ZNF57: variants seen among roughly 807,000 people sequenced by gnomAD.
The protein encoded by ZNF57 is zinc finger protein 424.
ZNF57 carries 11 observed loss-of-function variants against 13.4 expected under a neutral mutation model. That is an observed-to-expected ratio of 0.82 (90% CI 0.52 to 1.36). The LOEUF is 1.36. ZNF57 is among the 40% of genes most tolerant of loss of function. The pLI is 0.00. For synonymous variants in ZNF57, 224 were observed against 238.5 expected, an observed-to-expected ratio of 0.94 and a Z score of 0.56; for missense variants, 696 against 667.5, an observed-to-expected ratio of 1.04 and a Z score of -0.47.
At chr19:2,916,394 A>G in intron 3 of ZNF57, 145 bp downstream of exon 3, 1 of 726,164 alleles carries the variant, frequency 1.4e-6, no homozygotes. Flanking sequence ...TAAGACATTG[A>G]GAATTTGAAA....
chr19:2,905,835 CTTTCA>C (rs1568179409), intron 1 of ZNF57, among the ~76,000 whole-genome samples: 1 of 151,424 alleles, frequency 6.6e-6, no homozygotes, highest in Non-Finnish European at 1.5e-5. Context: ...AGACATTTGC[CTTTCA>C]TTTCAGTTCT....
At chr19:2,911,647 A>G (rs2088137903) in intron 1 of ZNF57, among the ~76,000 whole-genome samples, 1 of 152,154 alleles carries the variant, frequency 6.6e-6, no homozygotes, top group African/African-American at 2.4e-5. Context: ...CAGCCTCCCA[A>G]AATGCTGGCA....
intron 1 of ZNF57, among the ~76,000 whole-genome samples, chr19:2,906,087 T>A (rs889914225): frequency 5.9e-5 from 9 of 152,164 alleles, no homozygotes; most frequent in Admixed American, 4.6e-4. Flanking sequence ...ATAAAATTCC[T>A]CTGTTGCCCA....
rs757124137 is a variant in ZNF57 at position 2,916,969 on chromosome 19, A to G, written c.348A>G (p.Gln116=). The stretch of plus-strand genomic sequence containing the variant: ...TCTGTACACATAATGAAGGTAATCA[A>G]TATGGAGAAGCCATCCATCAAATGC... ...DRFCTHNEGN[Q]YGEAIHQMPD... Residue 116 remains glutamine, a synonymous_variant, in exon 4 of 4, where the codon CAA becomes CAG. Transcript: ENST00000306908. 1.9e-6 allele frequency: 3 copies of G among 1,611,968 alleles called. No individual in the cohort carries two copies. The highest frequency in any genetic ancestry group is 1.7e-5 in the Admixed American group (1 of 59,466).
At chr19:2,901,149 C>G in intron 1 of ZNF57, 101 bp downstream of exon 1, 1 of 1,406,280 alleles carries the variant, frequency 7.1e-7, no homozygotes, top group African/African-American at 1.5e-5. Flanking sequence ...GGCTGAGGGA[C>G]GCGCGGGGCG....
chr19:2,917,473 C>T lies in ZNF57; in HGVS notation c.852C>T (p.His284=), dbSNP rs779655410. 3 of 1,612,918 alleles carry T rather than the reference C, an allele frequency of 1.9e-6. No individual in the cohort carries two copies. In the East Asian group the frequency reaches 6.7e-5, roughly 36 times the overall value. The part of the protein sequence containing the change: ...HTGEKPYKCQ[H]CGKAFTYPQA... ...GAGAGAAGCCCTATAAATGTCAGCA[C>T]TGTGGGAAAGCCTTCACTTACCCCC... Residue 284 remains histidine, a synonymous_variant, in exon 4 of 4, where the codon CAC becomes CAT. Coordinates refer to ENST00000306908, the MANE Select transcript of ZNF57 (RefSeq NM_173480.3).
chr19:2,912,394 G>C (rs1160147324), intron 1 of ZNF57: 2 of 152,128 alleles, frequency 1.3e-5, no homozygotes, highest in Non-Finnish European at 2.9e-5. Context: ...ACAAGACTGG[G>C]CCCCCTGAGA....
At position 2,906,156 on chromosome 19, in the gene ZNF57, C is replaced by T. The variant is rs190103630; in HGVS notation, c.3+5108C>T. On this transcript the variant is annotated intron_variant, in intron 1 of 3. Coordinates refer to ENST00000306908, the MANE Select transcript of ZNF57 (RefSeq NM_173480.3). The stretch of plus-strand genomic sequence containing the variant: ...GCAGCCTCAAACTCCTGCACTCAAG[C>T]GATCTTCGGCCTCAGCCTCCTGAGT... Among the ~76,000 whole-genome samples the T allele has an allele frequency of 9.2e-5, 14 of 152,306 alleles. No individual in the cohort carries two copies. In the East Asian group the frequency reaches 1.7e-3, roughly 19 times the overall value.
At chr19:2,909,275 A>ATTTATTTTTT (rs1341390463) in intron 1 of ZNF57, among the ~76,000 whole-genome samples, 1 of 103,794 alleles carries the variant, frequency 9.6e-6, no homozygotes, top group Non-Finnish European at 2.0e-5. Flanking sequence ...TATTTTATTT[A>ATTTATTTTTT]TTTTTGTTTT....
In ZNF57 at chr19:2,916,289, T is replaced by TAAATATATATCTAAGTATTGCTCC. The variant is rs1433279101; in HGVS notation, c.302+48_302+71dup. On this transcript the variant is annotated intron_variant, in intron 3 of 3. Transcript: ENST00000306908. ...CAAGAGAAAAATCCTTGTATGCAAT[T>TAAATATATATCTAAGTATTGCTCC]AAATATATATCTAAGTATTGCTCCA... 7 of 1,525,562 alleles carry TAAATATATATCTAAGTATTGCTCC rather than the reference T, an allele frequency of 4.6e-6. No homozygotes were observed. The African/African-American group carries it at 9.8e-5, about 21-fold the overall frequency. 94.5% of individuals were successfully genotyped at this position (1,525,562 alleles called of 1,614,324 possible).
At chr19:2,907,025 G>A (rs2088082145) in intron 1 of ZNF57, 2 of 152,046 alleles carry the variant, frequency 1.3e-5, no homozygotes, top group African/African-American at 2.4e-5. Context: ...AACCTCTCCA[G>A]AGGAGTCCAG....
intron 1 of ZNF57, among the ~76,000 whole-genome samples, chr19:2,905,328 T>C (rs1022948450): frequency 1.3e-5 from 2 of 148,786 alleles, no homozygotes; most frequent in African/African-American, 4.9e-5. Context: ...GCACGCCCAG[T>C]TAATTTTTAA....
chr19:2,904,031 T>G (rs60898207), intron 1 of ZNF57, among the ~76,000 whole-genome samples: 2 of 152,146 alleles, frequency 1.3e-5, no homozygotes, highest in Non-Finnish European at 2.9e-5. Context: ...TGGCTAATTT[T>G]TATATTTTTT....
intron 1 of ZNF57, among the ~76,000 whole-genome samples, chr19:2,909,150 G>A (rs539783666): frequency 1.3e-5 from 2 of 151,942 alleles, no homozygotes; most frequent in South Asian, 4.2e-4. Flanking sequence ...GTGCTGCTGT[G>A]AACATTTGGG....
chr19:2,902,941 GTGAGCCCCAAGACCGGTGACTCCAGC>G (rs2088041403), intron 1 of ZNF57, among the ~76,000 whole-genome samples: 1 of 152,194 alleles, frequency 6.6e-6, no homozygotes, highest in South Asian at 2.1e-4. Context: ...GAGCAGGGAG[GTGAGCCCCAAGACCGGTGACTCCAGC>G]TGAGCCCACA....
chr19:2,908,826 T>TCCA (rs918824813), intron 1 of ZNF57, among the ~76,000 whole-genome samples: 4 of 152,078 alleles, frequency 2.6e-5, no homozygotes, highest in African/African-American at 9.7e-5. Flanking sequence ...CCGGAGCCCC[T>TCCA]CCACCACCCT....
In ZNF57 at chr19:2,918,430, G is replaced by A. The variant is rs974636335; in HGVS notation, c.*141G>A. ...CATTTGTAAAACAGACCCATTAGTC[G>A]TGAATTTCCAGCTCTTTCAAAAATA... is the stretch of plus-strand genomic sequence containing the variant. On this transcript the variant is annotated 3_prime_UTR_variant, in exon 4 of 4. Transcript: ENST00000306908. 15 of 897,432 alleles carry A rather than the reference G, an allele frequency of 1.7e-5. No individual in the cohort carries two copies. Among genetic ancestry groups the A allele is most frequent in the South Asian group, 1.9e-5 (1 of 51,924 alleles). 55.6% of individuals were successfully genotyped at this position (897,432 alleles called of 1,614,324 possible).
At chr19:2,903,569 G>C (rs937793041) in intron 1 of ZNF57, among the ~76,000 whole-genome samples, 4 of 151,894 alleles carry the variant, frequency 2.6e-5, no homozygotes, top group Non-Finnish European at 5.9e-5. Flanking sequence ...ATAGGCCTCC[G>C]GCCTCTCTTC....
At chr19:2,913,886 C>T (rs997236450) in intron 1 of ZNF57, among the ~76,000 whole-genome samples, 1 of 152,218 alleles carries the variant, frequency 6.6e-6, no homozygotes, top group African/African-American at 2.4e-5. Flanking sequence ...AGCGATCCAT[C>T]TGCCTTGATC....
Sources: allele counts gnomAD v4.1 joint callset (sites outside exome capture counted in the v4.1 genomes callset), GRCh38; gene constraint gnomAD v4.1.1; transcripts MANE v1.5; gene names NCBI Gene and HGNC (gene_info 2026-07-23, HGNC 2026-07-21).